SEMA3E: variants seen among roughly 807,000 people sequenced by gnomAD.
The protein encoded by SEMA3E is semaphorin 3E.
SEMA3E carries 49 observed loss-of-function variants against 93.6 expected under a neutral mutation model. The ratio of observed to expected loss-of-function variants is 0.52; its 90% CI spans 0.42 to 0.66. The LOEUF (loss-of-function observed/expected upper bound fraction) is 0.66, where lower values mean the gene tolerates loss of function less well. SEMA3E is among the 30% of genes least tolerant of loss of function. The pLI is 0.00. For synonymous variants in SEMA3E, 363 were observed against 330.7 expected, an observed-to-expected ratio of 1.10 and a Z score of -1.06; for missense variants, 906 against 964.8, an observed-to-expected ratio of 0.94 and a Z score of 0.81.
At chr7:83,533,617 T>C (rs1373125092) in intron 1 of SEMA3E, among the ~76,000 whole-genome samples, 1 of 151,348 alleles carries the variant, frequency 6.6e-6, no homozygotes, top group Non-Finnish European at 1.5e-5. Flanking sequence ...AGCAAAATCA[T>C]GAGGCAGTAG....
chr7:83,476,630 T>C (rs1371450766), intron 2 of SEMA3E, among the ~76,000 whole-genome samples: 1 of 152,156 alleles, frequency 6.6e-6, no homozygotes, highest in East Asian at 1.9e-4. Context: ...AAGACCTCAC[T>C]GGAAATGGAA....
At chr7:83,426,882 A>G (rs1484657179) in intron 4 of SEMA3E, among the ~76,000 whole-genome samples, 1 of 152,138 alleles carries the variant, frequency 6.6e-6, no homozygotes, top group Non-Finnish European at 1.5e-5. Context: ...TAGTTGTTCT[A>G]GACACATTCT....
intron 1 of SEMA3E, among the ~76,000 whole-genome samples, chr7:83,645,674 C>G (rs1193894138): frequency 6.6e-6 from 1 of 151,552 alleles, no homozygotes; most frequent in Non-Finnish European, 1.5e-5. Flanking sequence ...AGGAAATCAA[C>G]TAGAAAATAT....
intron 1 of SEMA3E, among the ~76,000 whole-genome samples, chr7:83,510,219 G>A (rs1320195575): frequency 2.0e-5 from 3 of 152,080 alleles, no homozygotes; most frequent in Non-Finnish European, 4.4e-5. Context: ...TTAAGCAAGT[G>A]TTTATTTTAG....
chr7:83,513,184 G>A (rs1562814062), intron 1 of SEMA3E, among the ~76,000 whole-genome samples: 1 of 152,180 alleles, frequency 6.6e-6, no homozygotes, highest in African/African-American at 2.4e-5. Context: ...GTCTTCCCAA[G>A]TAATAGGTGG....
intron 4 of SEMA3E, among the ~76,000 whole-genome samples, chr7:83,460,420 C>T (rs1207039563): frequency 4.6e-5 from 7 of 152,034 alleles, no homozygotes; most frequent in East Asian, 2.0e-4. Flanking sequence ...CCCAAAACTC[C>T]GGCACGGGTC....
chr7:83,418,008 T>C (rs757212872), intron 5 of SEMA3E, among the ~76,000 whole-genome samples: 30 of 152,138 alleles, frequency 2.0e-4, no homozygotes, highest in Non-Finnish European at 4.0e-4. Flanking sequence ...ATATTAAAAG[T>C]TCTCTAAAGT....
chr7:83,418,878 T>G (rs2115696760), intron 4 of SEMA3E, among the ~76,000 whole-genome samples: 2 of 104,046 alleles, frequency 1.9e-5, no homozygotes, highest in South Asian at 8.0e-4. Flanking sequence ...AAGAATGCTG[T>G]TGTTGATTTT....
At chr7:83,431,076 CA>C (rs1161175358) in intron 4 of SEMA3E, among the ~76,000 whole-genome samples, 1 of 50,074 alleles carries the variant, frequency 2.0e-5, no homozygotes, top group East Asian at 5.2e-4. Context: ...ACTGCATTGC[CA>C]AAAAAAAGAA....
chr7:83,577,992 T>C (rs1020774138), intron 1 of SEMA3E, among the ~76,000 whole-genome samples: 9 of 152,242 alleles, frequency 5.9e-5, no homozygotes, highest in Admixed American at 3.9e-4. Context: ...AGGAAACGTG[T>C]AATCTAAATA....
intron 1 of SEMA3E, among the ~76,000 whole-genome samples, chr7:83,606,701 A>T (rs1318114922): frequency 2.0e-5 from 3 of 148,578 alleles, no homozygotes; most frequent in Admixed American, 6.8e-5. Flanking sequence ...AGCATGGCAC[A>T]TGTATACATA....
chr7:83,393,862 T>C (rs1788066836), intron 13 of SEMA3E, among the ~76,000 whole-genome samples: 1 of 152,168 alleles, frequency 6.6e-6, no homozygotes, highest in African/African-American at 2.4e-5. Context: ...GTTACCATTG[T>C]TTTTGAAAAA....
intron 1 of SEMA3E, among the ~76,000 whole-genome samples, chr7:83,569,696 G>C (rs1008370331): frequency 6.6e-6 from 1 of 152,106 alleles, no homozygotes; most frequent in African/African-American, 2.4e-5. Flanking sequence ...TCTTCTAAAC[G>C]TATATCCACC....
At chr7:83,467,296 G>A (rs542251309) in intron 3 of SEMA3E, among the ~76,000 whole-genome samples, 25 of 151,998 alleles carry the variant, frequency 1.6e-4, no homozygotes, top group Non-Finnish European at 3.2e-4. Context: ...CAAACTCCTG[G>A]GCTCAAGCGA....
chr7:83,454,276 T>C lies in SEMA3E; in HGVS notation c.456+12206A>G, dbSNP rs200753113. Among the ~76,000 whole-genome samples the C allele has an allele frequency of 2.6e-3, 235 of 89,096 alleles. 3 individuals are homozygous for C. The highest frequency in any genetic ancestry group is 4.9e-3 in the Admixed American group (29 of 5,956). The allele number at this position is 89,096 out of a possible 152,430, so 58.5% of individuals were successfully genotyped here. A position where few individuals can be genotyped will look rare whatever the true frequency, so the allele number is the denominator to read the frequency against. On this transcript the variant is annotated intron_variant, in intron 4 of 16. Coordinates refer to ENST00000643230, the MANE Select transcript of SEMA3E (RefSeq NM_012431.3). The stretch of plus-strand genomic sequence containing the variant: ...CCGACTCAAAAAAAAAAAAAAAATA[T>C]ATATATATATATATATATATAATGT...
chr7:83,407,297 A>AAGTTATTCC, intron 6 of SEMA3E, 58 bp from the exon 7 acceptor site: 1 of 1,363,900 alleles, frequency 7.3e-7, no homozygotes, highest in Non-Finnish European at 1.0e-6. Context: ...AAATGCTAAC[A>AAGTTATTCC]AGTTATTCCA....
intron 4 of SEMA3E, among the ~76,000 whole-genome samples, chr7:83,454,158 T>C (rs1377483819): frequency 2.0e-5 from 3 of 147,878 alleles, no homozygotes; most frequent in Non-Finnish European, 4.4e-5. Flanking sequence ...CTCGGGAGGC[T>C]GAGGCAGGAG....
chr7:83,529,492 T>C (rs1300283276), intron 1 of SEMA3E, among the ~76,000 whole-genome samples: 2 of 152,190 alleles, frequency 1.3e-5, no homozygotes, highest in Non-Finnish European at 2.9e-5. Context: ...CAATTCCTTA[T>C]GAAGATTAGA....
chr7:83,440,079 T>C (rs1789082173), intron 4 of SEMA3E, among the ~76,000 whole-genome samples: 1 of 152,328 alleles, frequency 6.6e-6, no homozygotes, highest in African/African-American at 2.4e-5. Flanking sequence ...ACAAAATGTT[T>C]TTTTTCTAAA....
Sources: allele counts gnomAD v4.1 joint callset (sites outside exome capture counted in the v4.1 genomes callset), GRCh38; gene constraint gnomAD v4.1.1; transcripts MANE v1.5; gene names NCBI Gene and HGNC (gene_info 2026-07-23, HGNC 2026-07-21).